ATRNL1: variants seen among roughly 807,000 people sequenced by gnomAD.
ATRNL1 encodes attractin like 1, also known as attractin-like protein 1.
Under a neutral mutation model 182.7 loss-of-function variants are expected in ATRNL1, and 95 were observed. That is an observed-to-expected ratio of 0.52 (90% CI 0.44 to 0.62). The LOEUF (loss-of-function observed/expected upper bound fraction) is 0.62. Ranked by LOEUF, ATRNL1 falls within the 20% of genes least tolerant of loss-of-function variation. ATRNL1 has a pLI of 0.00. For synonymous variants in ATRNL1, 576 were observed against 568.3 expected, an observed-to-expected ratio of 1.01 and a Z score of -0.19; for missense variants, 1,471 against 1,679.5, an observed-to-expected ratio of 0.88 and a Z score of 2.17.
rs556340037 is a variant in ATRNL1 at position 115,769,211 on chromosome 10, C to T, written c.3903+41856C>T. On this transcript the variant is annotated intron_variant, in intron 27 of 28. Coordinates refer to ENST00000355044, the MANE Select transcript of ATRNL1 (RefSeq NM_207303.4). ...AAGTAATGTATGGAGGCTATCTTCT[C>T]CTGCACCAAAACAAGAAACCGTATA... is the stretch of plus-strand genomic sequence containing the variant. 1.6e-3 allele frequency among the ~76,000 whole-genome samples: 242 copies of T among 152,226 alleles called. 11 individuals carry two copies. The South Asian group carries it at 0.049, about 31-fold the overall frequency.
chr10:115,239,376 G>A (rs2133814049), intron 9 of ATRNL1, among the ~76,000 whole-genome samples: 1 of 152,194 alleles, frequency 6.6e-6, no homozygotes, highest in East Asian at 1.9e-4. Context: ...GGGACTACAG[G>A]CGCAGGCTAC....
intron 27 of ATRNL1, among the ~76,000 whole-genome samples, chr10:115,765,423 A>T (rs1555074779): frequency 6.6e-6 from 1 of 152,208 alleles, no homozygotes. Flanking sequence ...TCTACAGAAC[A>T]TCATCTCATA....
chr10:115,713,704 TCATC>T (rs1445765940), intron 26 of ATRNL1, among the ~76,000 whole-genome samples: 1,112 of 48,198 alleles, frequency 0.023, 15 homozygotes, highest in African/African-American at 0.046. Context: ...TATCTATCTA[TCATC>T]TATCTATCTA....
chr10:115,378,026 G>A (rs532130514), intron 19 of ATRNL1, among the ~76,000 whole-genome samples: 1 of 152,182 alleles, frequency 6.6e-6, no homozygotes, highest in South Asian at 2.1e-4. Context: ...TTTCTGGGTG[G>A]GTCCTTTAGC....
At chr10:115,124,511 A>G (rs1844879323) in intron 3 of ATRNL1, among the ~76,000 whole-genome samples, 1 of 152,092 alleles carries the variant, frequency 6.6e-6, no homozygotes, top group Non-Finnish European at 1.5e-5. Flanking sequence ...CCAGAGTTTT[A>G]TTGAAGTTTC....
intron 24 of ATRNL1, among the ~76,000 whole-genome samples, chr10:115,498,313 A>G (rs1292753517): frequency 1.3e-5 from 2 of 152,142 alleles, no homozygotes; most frequent in Non-Finnish European, 2.9e-5. Flanking sequence ...TAAACTATAT[A>G]TGGCATTACA....
At chr10:115,559,091 G>C (rs1383167286) in intron 26 of ATRNL1, among the ~76,000 whole-genome samples, 1 of 152,078 alleles carries the variant, frequency 6.6e-6, no homozygotes, top group African/African-American at 2.4e-5. Flanking sequence ...TGACTGGCGA[G>C]ATAATATGAG....
chr10:115,687,041 T>C (rs1593066849), intron 26 of ATRNL1, among the ~76,000 whole-genome samples: 1 of 151,994 alleles, frequency 6.6e-6, no homozygotes, highest in East Asian at 1.9e-4. Flanking sequence ...ATTTAGGTGA[T>C]TGTGGTTTTG....
chr10:115,548,099 ACGACTTAGTC>A (rs1554994365), intron 25 of ATRNL1, among the ~76,000 whole-genome samples: 1 of 152,196 alleles, frequency 6.6e-6, no homozygotes, highest in Non-Finnish European at 1.5e-5. Flanking sequence ...TTTTGGTACT[ACGACTTAGTC>A]CGTGTGGGAC....
At chr10:115,286,737 A>G (rs560465878) in intron 15 of ATRNL1, among the ~76,000 whole-genome samples, 2 of 152,086 alleles carry the variant, frequency 1.3e-5, no homozygotes, top group South Asian at 2.1e-4. Flanking sequence ...CAGAGCAATT[A>G]TAGTCGATCC....
At chr10:115,263,553 G>A (rs1007262288) in intron 10 of ATRNL1, among the ~76,000 whole-genome samples, 1 of 151,670 alleles carries the variant, frequency 6.6e-6, no homozygotes, top group Non-Finnish European at 1.5e-5. Flanking sequence ...CTAACATAGG[G>A]TAATACCTGC....
At chr10:115,158,937 G>T (rs1846649325) in intron 5 of ATRNL1, among the ~76,000 whole-genome samples, 1 of 151,682 alleles carries the variant, frequency 6.6e-6, no homozygotes, top group African/African-American at 2.4e-5. Context: ...GACAAGTGAA[G>T]GGTAAATGAT....
intron 28 of ATRNL1, among the ~76,000 whole-genome samples, chr10:115,876,160 G>C (rs150974149): frequency 1.9e-4 from 29 of 152,294 alleles, no homozygotes; most frequent in Middle Eastern, 6.8e-3. Context: ...ATATTTAATG[G>C]TCAGAACATC....
intron 26 of ATRNL1, among the ~76,000 whole-genome samples, chr10:115,645,045 G>A (rs1304430948): frequency 1.3e-5 from 2 of 152,046 alleles, no homozygotes; most frequent in Non-Finnish European, 2.9e-5. Context: ...AGTCAGAGAT[G>A]TTATCAAGAT....
chr10:115,325,752 A>G (rs1854839941), intron 18 of ATRNL1, among the ~76,000 whole-genome samples: 1 of 152,128 alleles, frequency 6.6e-6, no homozygotes, highest in African/African-American at 2.4e-5. Context: ...GGTATTATAG[A>G]TTACTACCTT....
intron 19 of ATRNL1, among the ~76,000 whole-genome samples, chr10:115,365,209 G>T (rs566453695): frequency 2.0e-5 from 3 of 152,276 alleles, no homozygotes; most frequent in African/African-American, 7.2e-5. Context: ...CCCGTTATTG[G>T]TCTATTCAGA....
At chr10:115,319,216 T>C (rs1854458317) in intron 18 of ATRNL1, among the ~76,000 whole-genome samples, 1 of 152,238 alleles carries the variant, frequency 6.6e-6, no homozygotes, top group African/African-American at 2.4e-5. Flanking sequence ...AATTTCTTAA[T>C]CCCGAGTTCT....
chr10:115,580,869 T>C (rs1855026989), intron 26 of ATRNL1, among the ~76,000 whole-genome samples: 1 of 152,154 alleles, frequency 6.6e-6, no homozygotes, highest in African/African-American at 2.4e-5. Flanking sequence ...CATTGTAATC[T>C]TCAACTCTAT....
intron 19 of ATRNL1, among the ~76,000 whole-genome samples, chr10:115,362,181 G>A (rs1450367636): frequency 6.6e-6 from 1 of 151,930 alleles, no homozygotes; most frequent in Non-Finnish European, 1.5e-5. Context: ...AAATCAGATA[G>A]TGAAGATATT....
Sources: allele counts gnomAD v4.1 joint callset (sites outside exome capture counted in the v4.1 genomes callset), GRCh38; gene constraint gnomAD v4.1.1; transcripts MANE v1.5; gene names NCBI Gene and HGNC (gene_info 2026-07-23, HGNC 2026-07-21).